The following KIAA1217 variants were observed in gnomAD, a reference collection of about 807,000 sequenced individuals.
The protein encoded by KIAA1217 is sickle tail protein homolog.
In KIAA1217, 88 loss-of-function variants were observed where a neutral mutation model predicts 163.9. The ratio of observed to expected loss-of-function variants is 0.54; its 90% CI spans 0.45 to 0.64. KIAA1217 has a LOEUF of 0.64. Among genes scored for constraint, KIAA1217 ranks in the 30% least tolerant of loss-of-function variants. The pLI is 0.00. For missense variants in KIAA1217, 2,372 were observed against 2,475.0 expected, an observed-to-expected ratio of 0.96 and a Z score of 0.88; for synonymous variants, 903 against 923.1, an observed-to-expected ratio of 0.98 and a Z score of 0.39.
chr10:24,521,727 G>A (rs2071319961), intron 11 of KIAA1217, 55 bp from the exon 12 acceptor site: 2 of 1,580,284 alleles, frequency 1.3e-6, no homozygotes, highest in Non-Finnish European at 1.7e-6. Flanking sequence ...TGCGGGATGA[G>A]GGTTGTCGTT....
chr10:24,481,001 C>G (rs1358036911), intron 6 of KIAA1217, among the ~76,000 whole-genome samples: 1 of 152,172 alleles, frequency 6.6e-6, no homozygotes, highest in Non-Finnish European at 1.5e-5. Flanking sequence ...GAAGATAAGA[C>G]AGCTAAGCCA....
chr10:24,399,932 G>C (rs543061429), intron 3 of KIAA1217, among the ~76,000 whole-genome samples: 12 of 152,198 alleles, frequency 7.9e-5, no homozygotes, highest in Non-Finnish European at 1.5e-4. Flanking sequence ...AAGTGAAGAA[G>C]AATATCAAAG....
At chr10:23,864,605 G>A (rs917877114) in intron 1 of KIAA1217, among the ~76,000 whole-genome samples, 14 of 150,920 alleles carry the variant, frequency 9.3e-5, no homozygotes, top group South Asian at 6.3e-4. Context: ...AATTTTTCCC[G>A]TATTTGTACA....
chr10:23,700,553 C>A (rs1328365752), intron 1 of KIAA1217, among the ~76,000 whole-genome samples: 2 of 151,988 alleles, frequency 1.3e-5, no homozygotes, highest in Non-Finnish European at 2.9e-5. Context: ...CATGATCTAC[C>A]TGCTCTGACT....
At chr10:24,364,312 C>T (rs170202) in intron 2 of KIAA1217, among the ~76,000 whole-genome samples, 1 of 151,964 alleles carries the variant, frequency 6.6e-6, no homozygotes, top group African/African-American at 2.4e-5. Flanking sequence ...AATTTTCTAT[C>T]GTATAGTCAA....
chr10:23,771,466 T>C (rs1294486082), intron 1 of KIAA1217, among the ~76,000 whole-genome samples: 2 of 152,264 alleles, frequency 1.3e-5, no homozygotes, highest in African/African-American at 4.8e-5. Flanking sequence ...CATTCATTTA[T>C]GTATCAAGCA....
intron 4 of KIAA1217, among the ~76,000 whole-genome samples, chr10:24,435,001 A>C (rs1028055142): frequency 6.6e-6 from 1 of 152,146 alleles, no homozygotes; most frequent in Non-Finnish European, 1.5e-5. Flanking sequence ...CTGAGTCCAC[A>C]CCCTGGGGGG....
chr10:24,390,494 A>C (rs191378863), intron 3 of KIAA1217, among the ~76,000 whole-genome samples: 1,684 of 133,022 alleles, frequency 0.013, 59 homozygotes, highest in African/African-American at 0.043. Flanking sequence ...GGAAGGAAGG[A>C]AGGAAGGAAG....
intron 1 of KIAA1217, among the ~76,000 whole-genome samples, chr10:23,755,387 C>T (rs1001196944): frequency 2.0e-5 from 3 of 152,164 alleles, no homozygotes; most frequent in Non-Finnish European, 2.9e-5. Flanking sequence ...TCAGTCTCCA[C>T]GCAGGCATAA....
chr10:23,971,622 A>G (rs929709433), intron 1 of KIAA1217, among the ~76,000 whole-genome samples: 1 of 152,198 alleles, frequency 6.6e-6, no homozygotes, highest in Non-Finnish European at 1.5e-5. Context: ...GGATACCAAC[A>G]TGACAGATTG....
At chr10:24,524,207 A>G (rs1259390081) in intron 12 of KIAA1217, 116 bp from the exon 13 acceptor site, 2 of 1,041,868 alleles carry the variant, frequency 1.9e-6, no homozygotes, top group African/African-American at 3.2e-5. Flanking sequence ...CTAAGCGGCT[A>G]CTCTGAGCTT....
intron 1 of KIAA1217, among the ~76,000 whole-genome samples, chr10:23,980,118 G>C (rs940578348): frequency 2.0e-5 from 3 of 152,122 alleles, no homozygotes; most frequent in Non-Finnish European, 4.4e-5. Context: ...TTTCCTGTGT[G>C]ATCCTTTCCT....
At chr10:23,710,624 G>A (rs1181012791) in intron 1 of KIAA1217, among the ~76,000 whole-genome samples, 2 of 152,228 alleles carry the variant, frequency 1.3e-5, no homozygotes, top group Non-Finnish European at 2.9e-5. Flanking sequence ...TTGGTGTCAA[G>A]TGTTGAAAGT....
intron 2 of KIAA1217, among the ~76,000 whole-genome samples, chr10:24,011,486 T>C (rs1422315968): frequency 2.0e-5 from 3 of 151,940 alleles, no homozygotes; most frequent in African/African-American, 7.3e-5. Context: ...GATCTTGTCT[T>C]AAAATTAAAT....
intron 2 of KIAA1217, among the ~76,000 whole-genome samples, chr10:24,260,934 T>C (rs2075659684): frequency 6.6e-6 from 1 of 152,040 alleles, no homozygotes; most frequent in Non-Finnish European, 1.5e-5. Context: ...AGGACTGTCA[T>C]GAGGAAAGGT....
At chr10:24,402,479 A>G (rs2056655695) in intron 3 of KIAA1217, among the ~76,000 whole-genome samples, 1 of 146,620 alleles carries the variant, frequency 6.8e-6, no homozygotes, top group Admixed American at 6.9e-5. Context: ...ACTGCACTCC[A>G]GCCTGGGTGA....
chr10:24,015,606 C>T (rs970400090), intron 2 of KIAA1217, among the ~76,000 whole-genome samples: 26 of 151,532 alleles, frequency 1.7e-4, no homozygotes, highest in Non-Finnish European at 8.8e-5. Context: ...AAATGCAGAA[C>T]TTAGCAAGGC....
intron 1 of KIAA1217, among the ~76,000 whole-genome samples, chr10:23,867,025 G>C (rs1840223480): frequency 8.5e-6 from 1 of 117,464 alleles, no homozygotes; most frequent in Non-Finnish European, 1.6e-5. Context: ...ACAGTCCCCA[G>C]AGTGTGATGT....
intron 1 of KIAA1217, among the ~76,000 whole-genome samples, chr10:23,945,806 A>G (rs1844004872): frequency 2.6e-5 from 4 of 152,220 alleles, no homozygotes. Context: ...CCATACAAAA[A>G]TATGACAGGG....
Sources: gnomAD v4.1 joint callset for allele counts (sites outside exome capture counted in the v4.1 genomes callset) on GRCh38, gnomAD v4.1.1 for gene constraint, MANE v1.5 for transcripts, NCBI Gene and HGNC (gene_info 2026-07-23, HGNC 2026-07-21) for gene names.